Variants in UBE2E2 observed in about 807,000 individuals in gnomAD.
UBE2E2 encodes ubiquitin-conjugating enzyme E2 E2.
A neutral mutation model predicts 24.7 loss-of-function variants in UBE2E2; 6 were observed. That is an observed-to-expected ratio of 0.24 (90% confidence interval 0.13 to 0.48). The LOEUF is 0.48. UBE2E2 is among the 20% of genes least tolerant of loss of function. The probability of loss-of-function intolerance (pLI) is 0.99; values close to 1 mark genes in which losing one functional copy is unlikely to be tolerated. For missense variants in UBE2E2, 169 were observed against 245.0 expected (o/e 0.69, Z 2.07); for synonymous variants, 104 against 83.6 (o/e 1.24, Z -1.33).
intron 3 of UBE2E2, among the ~76,000 whole-genome samples, chr3:23,276,120 A>G (rs1173910488): frequency 1.3e-5 from 2 of 152,112 alleles, no homozygotes; most frequent in Non-Finnish European, 2.9e-5. Flanking sequence ...TAAGGTGGCT[A>G]TCTGGCATGT....
chr3:23,381,583 A>G (rs1696672469), intron 3 of UBE2E2, among the ~76,000 whole-genome samples: 1 of 152,200 alleles, frequency 6.6e-6, no homozygotes, highest in African/African-American at 2.4e-5. Flanking sequence ...TACCCCGGCT[A>G]GCTGAAATTC....
intron 3 of UBE2E2, among the ~76,000 whole-genome samples, chr3:23,236,483 C>CTT (rs530403264): frequency 1.2e-4 from 15 of 124,338 alleles, no homozygotes; most frequent in Admixed American, 7.1e-4. Flanking sequence ...TTCTTAGGTC[C>CTT]TTTTTTTTTT....
chr3:23,290,081 A>G (rs905095548), intron 3 of UBE2E2, among the ~76,000 whole-genome samples: 1 of 152,254 alleles, frequency 6.6e-6, no homozygotes, highest in African/African-American at 2.4e-5. Flanking sequence ...AAACCACTCA[A>G]TAATGTGGTT....
chr3:23,576,629 G>T (rs1280338739), intron 5 of UBE2E2, among the ~76,000 whole-genome samples: 1 of 152,104 alleles, frequency 6.6e-6, no homozygotes, highest in Non-Finnish European at 1.5e-5. Context: ...TATGGCTGTT[G>T]TTGTGTGTAT....
At chr3:23,324,499 T>A (rs1248811479) in intron 3 of UBE2E2, among the ~76,000 whole-genome samples, 7 of 152,130 alleles carry the variant, frequency 4.6e-5, no homozygotes, top group Non-Finnish European at 1.0e-4. Flanking sequence ...TTTTACCAGC[T>A]ACCTGTAGAC....
chr3:23,473,061 A>C (rs111750425), intron 3 of UBE2E2, among the ~76,000 whole-genome samples: 4,853 of 152,058 alleles, frequency 0.032, 281 homozygotes, highest in African/African-American at 0.1. Flanking sequence ...ATCCTGAGAA[A>C]AGGTCCATAT....
chr3:23,297,950 T>A (rs560029271), intron 3 of UBE2E2, among the ~76,000 whole-genome samples: 228 of 151,984 alleles, frequency 1.5e-3, no homozygotes, highest in African/African-American at 5.2e-3. Flanking sequence ...CTTTGTATCC[T>A]CTTTTATTTC....
chr3:23,450,150 G>T (rs1333305137), intron 3 of UBE2E2, among the ~76,000 whole-genome samples: 1 of 152,130 alleles, frequency 6.6e-6, no homozygotes, highest in African/African-American at 2.4e-5. Flanking sequence ...TTTTTTGCAA[G>T]TTTAATAAAA....
chr3:23,336,033 T>C (rs1419706928), intron 3 of UBE2E2, among the ~76,000 whole-genome samples: 1 of 152,224 alleles, frequency 6.6e-6, no homozygotes, highest in Non-Finnish European at 1.5e-5. Flanking sequence ...TTATTTCATT[T>C]TTTTATGATA....
At chr3:23,585,927 A>G (rs575712434) in intron 5 of UBE2E2, among the ~76,000 whole-genome samples, 2 of 147,898 alleles carry the variant, frequency 1.4e-5, no homozygotes, top group South Asian at 2.1e-4. Flanking sequence ...ATTACCTTTT[A>G]GTGTTGCTAA....
chr3:23,210,528 C>T (rs36004369), intron 2 of UBE2E2, among the ~76,000 whole-genome samples: 16,112 of 152,100 alleles, frequency 0.11, 976 homozygotes, highest in East Asian at 0.13. Flanking sequence ...TTTTCAAGTA[C>T]GTGGGTCATC....
At chr3:23,277,530 A>C (rs902997429) in intron 3 of UBE2E2, among the ~76,000 whole-genome samples, 1 of 152,148 alleles carries the variant, frequency 6.6e-6, no homozygotes, top group South Asian at 2.1e-4. Context: ...CAACGTAAGT[A>C]TTTCTCTAAG....
In UBE2E2 at chr3:23,510,604, C is replaced by CA. The variant is rs530094447; in HGVS notation, c.360+10875dup. 1.8e-3 allele frequency among the ~76,000 whole-genome samples: 258 copies of CA among 140,144 alleles called. 2 individuals are homozygous for CA. In the Middle Eastern group the frequency reaches 0.043, roughly 24 times the overall value. 91.9% of individuals were successfully genotyped at this position (140,144 alleles called of 152,430 possible). ...CCTGGGTGACAGAGCAAGACTGGGT[C>CA]AAAAAAAAAAATAAGATAAAATAAA... On this transcript the variant is annotated intron_variant, in intron 4 of 5. Transcript: ENST00000396703.
intron 3 of UBE2E2, among the ~76,000 whole-genome samples, chr3:23,402,037 A>G (rs1476354030): frequency 1.3e-5 from 2 of 151,432 alleles, no homozygotes; most frequent in African/African-American, 2.4e-5. Flanking sequence ...GTGTATTTTT[A>G]GTAGAAATGA....
intron 4 of UBE2E2, among the ~76,000 whole-genome samples, chr3:23,504,074 A>G (rs992027932): frequency 1.6e-4 from 25 of 152,114 alleles, no homozygotes; most frequent in African/African-American, 5.8e-4. Context: ...CTGTTTTAAG[A>G]CTTTTGTTTC....
intron 3 of UBE2E2, among the ~76,000 whole-genome samples, chr3:23,241,650 C>T (rs749225539): frequency 7.9e-5 from 12 of 152,072 alleles, no homozygotes; most frequent in Non-Finnish European, 8.8e-5. Flanking sequence ...ATTTTTACTC[C>T]GCTTTTTCTT....
chr3:23,215,072 GT>G (rs1696438353), intron 2 of UBE2E2, among the ~76,000 whole-genome samples: 1 of 151,546 alleles, frequency 6.6e-6, no homozygotes, highest in Non-Finnish European at 1.5e-5. Context: ...AAGATTATTG[GT>G]TGCCTTTATA....
chr3:23,541,280 G>A (rs770769529), intron 5 of UBE2E2, among the ~76,000 whole-genome samples: 3 of 152,182 alleles, frequency 2.0e-5, no homozygotes, highest in Non-Finnish European at 4.4e-5. Flanking sequence ...TTTTCATTCA[G>A]TATCTAGCCT....
At chr3:23,242,014 A>G (rs1053226995) in intron 3 of UBE2E2, among the ~76,000 whole-genome samples, 23 of 152,176 alleles carry the variant, frequency 1.5e-4, no homozygotes, top group Non-Finnish European at 2.6e-4. Flanking sequence ...TGCTCAAGCT[A>G]TCCTGCTGCC....
Sources: allele counts gnomAD v4.1 joint callset (sites outside exome capture counted in the v4.1 genomes callset), GRCh38; gene constraint gnomAD v4.1.1; transcripts MANE v1.5; gene names NCBI Gene and HGNC (gene_info 2026-07-23, HGNC 2026-07-21).